ADAP2: variants seen among roughly 807,000 people sequenced by gnomAD.
ADAP2 encodes ArfGAP with dual PH domains 2, also known as arf-GAP with dual PH domain-containing protein 2.
A neutral mutation model predicts 54.9 loss-of-function variants in ADAP2; 42 were observed. The observed-to-expected ratio is 0.77, with a 90% confidence interval of 0.60 to 0.99. The LOEUF (loss-of-function observed/expected upper bound fraction) is 0.99, where lower values mean the gene tolerates loss of function less well. ADAP2 is among the 50% of genes least tolerant of loss of function. The pLI is 0.00. For synonymous variants in ADAP2, 177 were observed against 180.1 expected (o/e 0.98, Z 0.14); for missense variants, 429 against 480.4 (o/e 0.89, Z 1.00).
intron 5 of ADAP2, among the ~76,000 whole-genome samples, chr17:30,944,085 G>A (rs549786456): frequency 4.0e-5 from 6 of 150,924 alleles, no homozygotes; most frequent in Admixed American, 2.0e-4. Context: ...CCAGCTACTC[G>A]AGAGGCTGAG....
At chr17:30,946,050 G>C (rs1244815709) in intron 6 of ADAP2, among the ~76,000 whole-genome samples, 1 of 151,286 alleles carries the variant, frequency 6.6e-6, no homozygotes, top group Non-Finnish European at 1.5e-5. Context: ...AGCTACTCAG[G>C]AGGCGGAGGC....
intron 9 of ADAP2, among the ~76,000 whole-genome samples, chr17:30,955,436 G>A (rs983626172): frequency 6.6e-5 from 10 of 152,124 alleles, no homozygotes; most frequent in African/African-American, 2.2e-4. Flanking sequence ...GGCCAGGCAC[G>A]GTGGCTCACA....
chr17:30,944,880 G>A (rs148939642), intron 5 of ADAP2, 27 bp from the exon 6 acceptor site: 80 of 1,609,582 alleles, frequency 5.0e-5, no homozygotes, highest in East Asian at 2.9e-4. Context: ...GACTGTCAGC[G>A]TCTTTCTTTC....
chr17:30,944,979 C>G lies in ADAP2; in HGVS notation c.583C>G (p.Pro195Ala). The G allele has an allele frequency of 6.2e-7, 1 of 1,614,064 alleles. No individual in the cohort carries two copies. The change falls in exon 6 of 11, where the codon CCC becomes GCC. Residue 195 changes from proline (P) to alanine (A), a missense_variant. Coordinates refer to ENST00000330889, the MANE Select transcript of ADAP2 (RefSeq NM_018404.3). ...CTTCCAGACAGAGAAGATAGGGCAC[C>G]CCCATGGGCTGCAGATCACCTACAG... is the stretch of plus-strand genomic sequence containing the variant. The part of the protein sequence containing the change: ...ATFQTEKIGH[P>A]HGLQITYRRD...
intron 2 of ADAP2, 134 bp from the exon 3 acceptor site, chr17:30,926,693 G>A: frequency 1.4e-6 from 1 of 726,950 alleles, no homozygotes; most frequent in Non-Finnish European, 2.4e-6. Flanking sequence ...CCAGCAGTAT[G>A]GATGACCAAG....
At chr17:30,931,579 G>A (rs1009962711) in intron 3 of ADAP2, among the ~76,000 whole-genome samples, 1 of 152,110 alleles carries the variant, frequency 6.6e-6, no homozygotes, top group Non-Finnish European at 1.5e-5. Flanking sequence ...CCAGCACTTT[G>A]GGAGGCTGAG....
intron 3 of ADAP2, among the ~76,000 whole-genome samples, chr17:30,928,270 C>T (rs967049979): frequency 8.1e-5 from 12 of 148,424 alleles, no homozygotes; most frequent in East Asian, 2.0e-4. Context: ...CCGAGGCGGG[C>T]GGATCACTCG....
At chr17:30,951,954 C>T (rs1326175633) in intron 7 of ADAP2, among the ~76,000 whole-genome samples, 2 of 152,212 alleles carry the variant, frequency 1.3e-5, no homozygotes, top group African/African-American at 2.4e-5. Context: ...TGCGCCTGGC[C>T]TAATATTTTC....
In ADAP2 at chr17:30,957,815, C is replaced by T. The variant is rs764157780; in HGVS notation, c.1112-20C>T. 3 of 1,613,644 alleles carry T rather than the reference C, an allele frequency of 1.9e-6. No homozygotes were observed. The highest frequency in any genetic ancestry group is 1.7e-6 in the Non-Finnish European group (2 of 1,179,776). ...CATTGGCATGGCCACCTCCCTCAGC[C>T]CTCTTCATTTCCCTTGCAGCTGCAT... On this transcript the variant is annotated intron_variant, in intron 10 of 10. Transcript: ENST00000330889.
intron 3 of ADAP2, 68 bp downstream of exon 3, chr17:30,926,986 T>G: frequency 8.2e-7 from 1 of 1,225,760 alleles, no homozygotes. Context: ...CCCCTCTCCA[T>G]CTTTGGTGTC....
At chr17:30,927,263 G>A (rs1911122771) in intron 3 of ADAP2, among the ~76,000 whole-genome samples, 1 of 152,042 alleles carries the variant, frequency 6.6e-6, no homozygotes, top group Non-Finnish European at 1.5e-5. Flanking sequence ...ATAAGAGGGG[G>A]TAAACACTAG....
chr17:30,946,768 C>A (rs7216725), intron 6 of ADAP2, among the ~76,000 whole-genome samples: 1 of 152,018 alleles, frequency 6.6e-6, no homozygotes, highest in Non-Finnish European at 1.5e-5. Context: ...TATTGAGTCA[C>A]GGACATGTTA....
At chr17:30,928,543 G>A (rs553786047) in intron 3 of ADAP2, among the ~76,000 whole-genome samples, 98 of 152,208 alleles carry the variant, frequency 6.4e-4, no homozygotes, top group Admixed American at 1.6e-3. Flanking sequence ...TACGCCCTGT[G>A]CAAAATGCTT....
At chr17:30,932,801 C>T (rs1249303067) in intron 4 of ADAP2, among the ~76,000 whole-genome samples, 1 of 151,656 alleles carries the variant, frequency 6.6e-6, no homozygotes, top group East Asian at 1.9e-4. Flanking sequence ...AACTCCTGAC[C>T]TCATGATCTG....
At chr17:30,946,877 G>C (rs1428703312) in intron 6 of ADAP2, among the ~76,000 whole-genome samples, 1 of 152,210 alleles carries the variant, frequency 6.6e-6, no homozygotes, top group Non-Finnish European at 1.5e-5. Flanking sequence ...ACCAGATGCA[G>C]GGACTAGACC....
At chr17:30,922,312 T>C (rs1462331554) in intron 1 of ADAP2, among the ~76,000 whole-genome samples, 1 of 120,970 alleles carries the variant, frequency 8.3e-6, no homozygotes, top group East Asian at 2.7e-4. Context: ...CCCCGGCCCC[T>C]ACGAGCCCAG....
At chr17:30,942,143 A>G (rs1912316956) in intron 5 of ADAP2, among the ~76,000 whole-genome samples, 1 of 152,124 alleles carries the variant, frequency 6.6e-6, no homozygotes, top group Non-Finnish European at 1.5e-5. Flanking sequence ...CAACCTCGTG[A>G]TCCACCTGCC....
chr17:30,957,169 T>G (rs780459856), intron 10 of ADAP2, among the ~76,000 whole-genome samples: 21 of 152,166 alleles, frequency 1.4e-4, no homozygotes, highest in Admixed American at 5.2e-4. Flanking sequence ...CTGACTGATA[T>G]AAACACAGAC....
At chr17:30,932,681 G>A (rs1378641269) in intron 4 of ADAP2, among the ~76,000 whole-genome samples, 1 of 151,190 alleles carries the variant, frequency 6.6e-6, no homozygotes, top group Non-Finnish European at 1.5e-5. Context: ...GGGTTCCAGC[G>A]ATTCTCCTGC....
Sources: allele counts gnomAD v4.1 joint callset (sites outside exome capture counted in the v4.1 genomes callset), GRCh38; gene constraint gnomAD v4.1.1; transcripts MANE v1.5; gene names NCBI Gene and HGNC (gene_info 2026-07-23, HGNC 2026-07-21).